The following CDH13 variants were observed in gnomAD, a reference collection of about 807,000 sequenced individuals.
CDH13 encodes the protein cadherin-13.
In CDH13, 24 loss-of-function variants were observed where a neutral mutation model predicts 63.8. The ratio of observed to expected loss-of-function variants is 0.38; its 90% confidence interval spans 0.27 to 0.53. The LOEUF is 0.53. CDH13 is among the 20% of genes least tolerant of loss of function. CDH13 has a pLI of 0.85. For synonymous variants in CDH13, 503 were observed against 355.3 expected (o/e 1.42, Z -4.67); for missense variants, 1,049 against 903.1 (o/e 1.16, Z -2.07).
chr16:83,493,518 T>TG (rs530236744), intron 7 of CDH13, among the ~76,000 whole-genome samples: 96 of 152,248 alleles, frequency 6.3e-4, no homozygotes, highest in African/African-American at 2.0e-3. Context: ...AACCGAACCT[T>TG]GATGGCTGTG....
chr16:83,511,343 C>A (rs1036799901), intron 7 of CDH13, among the ~76,000 whole-genome samples: 2 of 151,918 alleles, frequency 1.3e-5, no homozygotes, highest in Admixed American at 6.6e-5. Context: ...GTGCCTGTAA[C>A]CCCATCTACT....
At chr16:82,950,009 A>T (rs1307440630) in intron 2 of CDH13, among the ~76,000 whole-genome samples, 1 of 152,090 alleles carries the variant, frequency 6.6e-6, no homozygotes, top group Non-Finnish European at 1.5e-5. Context: ...CAGGTAAGAA[A>T]AGGGAAGAAA....
chr16:83,060,301 C>G (rs1409048539), intron 3 of CDH13, among the ~76,000 whole-genome samples: 1 of 152,132 alleles, frequency 6.6e-6, no homozygotes, highest in Admixed American at 6.5e-5. Context: ...GTCAGTCCAG[C>G]TGAAAAATTG....
intron 7 of CDH13, among the ~76,000 whole-genome samples, chr16:83,507,040 T>A (rs969301154): frequency 6.6e-6 from 1 of 152,214 alleles, no homozygotes; most frequent in South Asian, 2.1e-4. Flanking sequence ...TTATTCAGCA[T>A]TAGATAACTA....
intron 5 of CDH13, among the ~76,000 whole-genome samples, chr16:83,246,422 C>G (rs1421944927): frequency 6.6e-6 from 1 of 152,166 alleles, no homozygotes; most frequent in Admixed American, 6.5e-5. Flanking sequence ...TCAGAAGCCT[C>G]ATTTTGATTT....
Position 83,796,616 on chromosome 16 carries a change from C to A in CDH13, c.*1586C>A, listed in dbSNP as rs746278923. ...TTAAAACTGCTGGACAGTAACTGTT[C>A]TCTGATTTCTATCTTGTGTCCAATG... is the stretch of plus-strand genomic sequence containing the variant. On this transcript the variant is annotated 3_prime_UTR_variant, in exon 14 of 14. Coordinates refer to ENST00000567109, the MANE Select transcript of CDH13 (RefSeq NM_001257.5). 1 of 152,076 alleles carries A rather than the reference C, an allele frequency of 6.6e-6. No homozygotes were observed. Among genetic ancestry groups the A allele is most frequent in the East Asian group, 1.9e-4 (1 of 5,194 alleles). 9.4% of individuals were successfully genotyped at this position (152,076 alleles called of 1,614,324 possible).
chr16:82,663,376 G>A (rs891097461), intron 1 of CDH13, among the ~76,000 whole-genome samples: 12 of 152,034 alleles, frequency 7.9e-5, no homozygotes, highest in African/African-American at 2.7e-4. Flanking sequence ...AGTATAGATG[G>A]GTTTCTCCAT....
chr16:83,034,322 A>G (rs192409469), intron 3 of CDH13, among the ~76,000 whole-genome samples: 264 of 152,254 alleles, frequency 1.7e-3, no homozygotes, highest in Middle Eastern at 0.01. Context: ...GAACTTCACA[A>G]TTCCCCTTCA....
intron 1 of CDH13, among the ~76,000 whole-genome samples, chr16:82,669,081 C>T (rs1567608390): frequency 6.6e-6 from 1 of 152,298 alleles, no homozygotes; most frequent in East Asian, 1.9e-4. Context: ...AGCCTTGAAC[C>T]AGAGAAGCCA....
At chr16:83,470,691 C>A (rs1248582826) in intron 6 of CDH13, among the ~76,000 whole-genome samples, 1 of 152,188 alleles carries the variant, frequency 6.6e-6, no homozygotes, top group Non-Finnish European at 1.5e-5. Context: ...CAACCACAGG[C>A]TCAGCAGATA....
At chr16:83,057,734 A>G (rs1035155571) in intron 3 of CDH13, among the ~76,000 whole-genome samples, 1 of 152,172 alleles carries the variant, frequency 6.6e-6, no homozygotes, top group African/African-American at 2.4e-5. Flanking sequence ...AGACTTGACA[A>G]TACTAATTTT....
At chr16:82,891,388 C>T (rs1285514191) in intron 2 of CDH13, among the ~76,000 whole-genome samples, 1 of 152,170 alleles carries the variant, frequency 6.6e-6, no homozygotes, top group Admixed American at 6.5e-5. Context: ...TTGGGCATCT[C>T]TTCAAGGTTA....
At chr16:82,779,661 G>A (rs901933376) in intron 1 of CDH13, among the ~76,000 whole-genome samples, 4 of 152,194 alleles carry the variant, frequency 2.6e-5, no homozygotes, top group African/African-American at 9.7e-5. Context: ...GCTCTCCTTG[G>A]ATAGTTTATC....
intron 6 of CDH13, among the ~76,000 whole-genome samples, chr16:83,395,056 G>A (rs1176387564): frequency 6.6e-6 from 1 of 150,848 alleles, no homozygotes; most frequent in Admixed American, 6.7e-5. Flanking sequence ...CCTGAGACAA[G>A]AGAATTGCCT....
intron 1 of CDH13, among the ~76,000 whole-genome samples, chr16:82,850,231 G>GA (rs1182952853): frequency 6.6e-6 from 1 of 151,948 alleles, no homozygotes; most frequent in African/African-American, 2.4e-5. Flanking sequence ...ATTCATGGGG[G>GA]GTGGTTAAAA....
At chr16:83,576,520 T>C (rs1276433737) in intron 7 of CDH13, among the ~76,000 whole-genome samples, 1 of 152,224 alleles carries the variant, frequency 6.6e-6, no homozygotes, top group Non-Finnish European at 1.5e-5. Context: ...GGGGTATATA[T>C]CTAGAAGTAG....
intron 7 of CDH13, among the ~76,000 whole-genome samples, chr16:83,582,450 C>T (rs796720720): frequency 1.3e-5 from 2 of 152,094 alleles, no homozygotes; most frequent in Non-Finnish European, 2.9e-5. Context: ...ATTTAAGGTA[C>T]TGCCTTGTTA....
At chr16:82,682,999 A>G (rs1205118232) in intron 1 of CDH13, among the ~76,000 whole-genome samples, 1 of 152,192 alleles carries the variant, frequency 6.6e-6, no homozygotes, top group Non-Finnish European at 1.5e-5. Flanking sequence ...CCTCGGGTTC[A>G]AGTTCCAGCC....
chr16:82,632,275 G>A (rs751256325), intron 1 of CDH13, among the ~76,000 whole-genome samples: 50 of 152,198 alleles, frequency 3.3e-4, no homozygotes, highest in Non-Finnish European at 5.7e-4. Context: ...AAATGTTGAG[G>A]TTTGATCAAA....
Sources: gnomAD v4.1 joint callset for allele counts (sites outside exome capture counted in the v4.1 genomes callset) on GRCh38, gnomAD v4.1.1 for gene constraint, MANE v1.5 for transcripts, NCBI Gene and HGNC (gene_info 2026-07-23, HGNC 2026-07-21) for gene names.